The following NTRK3 variants were observed in gnomAD, a reference collection of about 807,000 sequenced individuals.
NTRK3 encodes neurotrophic receptor tyrosine kinase 3.
In NTRK3, 24 loss-of-function variants were observed where a neutral mutation model predicts 91.7. The ratio of observed to expected loss-of-function variants is 0.26; its 90% confidence interval spans 0.19 to 0.37. NTRK3 has a LOEUF of 0.37. Ranked by LOEUF, NTRK3 falls within the 10% of genes least tolerant of loss-of-function variation. The pLI is 1.00. For synonymous variants in NTRK3, 483 were observed against 404.0 expected (o/e 1.20, Z -2.34); for missense variants, 880 against 1,068.9 (o/e 0.82, Z 2.46).
chr15:87,966,804 A>G (rs945230325), intron 14 of NTRK3, among the ~76,000 whole-genome samples: 2 of 152,192 alleles, frequency 1.3e-5, no homozygotes, highest in African/African-American at 4.8e-5. Context: ...TTGGCAGCTA[A>G]AGGAGGGCCC....
intron 14 of NTRK3, among the ~76,000 whole-genome samples, chr15:87,959,633 C>T (rs898150920): frequency 1.3e-5 from 2 of 152,312 alleles, no homozygotes; most frequent in Admixed American, 6.5e-5. Context: ...ATCAGAAGCT[C>T]GGGTCTCGAT....
rs1242118525 is a variant in NTRK3, at chr15:88,136,454, C to T, written c.765+13G>A. ...CCTAGCCTCCTGATGGGGCTGAAGC[C>T]CAGGATGCCTACCTGGTGAGTGTTG... On this transcript the variant is annotated intron_variant, in intron 8 of 18. Transcript: ENST00000394480. 1.2e-6 allele frequency: 2 copies of T among 1,613,974 alleles called. No homozygotes were observed. The highest frequency in any genetic ancestry group is 2.2e-5 in the East Asian group (1 of 44,890).
At chr15:88,024,549 G>A (rs1324348717) in intron 14 of NTRK3, among the ~76,000 whole-genome samples, 6 of 152,150 alleles carry the variant, frequency 3.9e-5, no homozygotes, top group East Asian at 1.9e-4. Flanking sequence ...GGGCCAAGAC[G>A]ACGCCAAGAC....
chr15:87,945,442 A>G (rs1390976127), intron 14 of NTRK3, among the ~76,000 whole-genome samples: 1 of 152,196 alleles, frequency 6.6e-6, no homozygotes, highest in Non-Finnish European at 1.5e-5. Flanking sequence ...CACTTCTGGG[A>G]GGTCTTCCAG....
chr15:87,933,157 G>T lies in NTRK3; in HGVS notation c.1744C>A (p.Arg582=), dbSNP rs374759890. ...TCGGCCTCCCTCTGGAAATCCTTCC[G>T]GGCAGCCAGGGTGGGATCCTTCAGG... Residue 582 remains arginine, a synonymous_variant, in exon 16 of 19, where the codon CGG becomes AGG. Transcript: ENST00000394480. 7 of 1,614,016 alleles carry T rather than the reference G, an allele frequency of 4.3e-6. No individual in the cohort carries two copies. The African/African-American group carries it at 5.3e-5, about 12-fold the overall frequency.
chr15:87,982,687 C>A (rs11854785), intron 14 of NTRK3, among the ~76,000 whole-genome samples: 32 of 152,236 alleles, frequency 2.1e-4, no homozygotes, highest in African/African-American at 7.5e-4. Flanking sequence ...ATGAGAGGTT[C>A]TGGAGCCAAT....
chr15:88,031,435 C>T (rs946332521), intron 14 of NTRK3, among the ~76,000 whole-genome samples: 3 of 152,222 alleles, frequency 2.0e-5, no homozygotes, highest in Non-Finnish European at 2.9e-5. Context: ...CTACCCAGGC[C>T]AGTCCTGGGG....
At chr15:88,155,848 A>ATC (rs1567544829) in intron 5 of NTRK3, among the ~76,000 whole-genome samples, 12 of 139,582 alleles carry the variant, frequency 8.6e-5, no homozygotes, top group Non-Finnish European at 1.9e-4. Context: ...ATCTATCTAT[A>ATC]TAAATGAGGT....
At chr15:87,913,360 C>A (rs1007191640) in intron 17 of NTRK3, among the ~76,000 whole-genome samples, 2 of 152,056 alleles carry the variant, frequency 1.3e-5, no homozygotes, top group Admixed American at 6.6e-5. Context: ...TTGTGTGAAT[C>A]CAAGGTTAGA....
At chr15:88,161,102 G>A (rs1235320263) in intron 5 of NTRK3, among the ~76,000 whole-genome samples, 1 of 152,208 alleles carries the variant, frequency 6.6e-6, no homozygotes, top group African/African-American at 2.4e-5. Flanking sequence ...AGGTATTTGA[G>A]GTGGTAATAG....
At chr15:87,862,479 GT>G (rs1469071658) in exon 19 of NTRK3, 2 of 228,010 alleles carry the variant, frequency 8.8e-6, no homozygotes, top group Non-Finnish European at 1.7e-5. Flanking sequence ...CAAAATGGAG[GT>G]TTTCTAACAT....
intron 13 of NTRK3, among the ~76,000 whole-genome samples, chr15:88,125,460 T>A (rs12911150): frequency 5.9e-5 from 9 of 151,340 alleles, no homozygotes; most frequent in Non-Finnish European, 1.2e-4. Flanking sequence ...TTATCAAACC[T>A]CGTATCATGC....
At chr15:88,053,566 G>C (rs1344092591) in intron 13 of NTRK3, among the ~76,000 whole-genome samples, 1 of 152,180 alleles carries the variant, frequency 6.6e-6, no homozygotes, top group Non-Finnish European at 1.5e-5. Flanking sequence ...CAGGGGTATG[G>C]GCTATGGTGG....
chr15:87,861,457 G>C (rs1294560963), exon 19 of NTRK3: 1 of 202,384 alleles, frequency 4.9e-6, no homozygotes, highest in African/African-American at 2.3e-5. Flanking sequence ...CATTTCCCTT[G>C]AAATAAGATA....
intron 14 of NTRK3, among the ~76,000 whole-genome samples, chr15:88,003,446 G>A (rs918936540): frequency 3.3e-5 from 5 of 152,204 alleles, no homozygotes; most frequent in African/African-American, 1.2e-4. Flanking sequence ...GTCCTTGGCA[G>A]GTTTTATTTC....
At chr15:88,198,940 C>T (rs939136174) in intron 3 of NTRK3, among the ~76,000 whole-genome samples, 4 of 152,180 alleles carry the variant, frequency 2.6e-5, no homozygotes, top group Admixed American at 1.3e-4. Flanking sequence ...GGAAAGCCTT[C>T]CTTGGCCCCC....
chr15:87,866,012 C>T (rs535977167), exon 19 of NTRK3: 42 of 231,420 alleles, frequency 1.8e-4, no homozygotes, highest in African/African-American at 8.4e-4. Context: ...TGCAACTGCC[C>T]AGAGAGTGGG....
intron 14 of NTRK3, among the ~76,000 whole-genome samples, chr15:88,010,983 C>T (rs1486885349): frequency 3.3e-5 from 5 of 152,214 alleles, no homozygotes; most frequent in African/African-American, 9.6e-5. Context: ...CGTCACACCA[C>T]ACTACCCATG....
intron 14 of NTRK3, among the ~76,000 whole-genome samples, chr15:87,990,993 C>T (rs2075244470): frequency 6.6e-6 from 1 of 152,164 alleles, no homozygotes; most frequent in African/African-American, 2.4e-5. Context: ...AGTTCTAATC[C>T]TTTTACAAAA....
Sources: allele counts gnomAD v4.1 joint callset (sites outside exome capture counted in the v4.1 genomes callset), GRCh38; gene constraint gnomAD v4.1.1; transcripts MANE v1.5; gene names NCBI Gene and HGNC (gene_info 2026-07-23, HGNC 2026-07-21).